The following NRG1 variants were observed in gnomAD, a reference collection of about 807,000 sequenced individuals.
NRG1 encodes pro-neuregulin-1, membrane-bound isoform.
NRG1 carries 18 observed loss-of-function variants against 63.8 expected under a neutral mutation model. That is an observed-to-expected ratio of 0.28 (90% CI 0.19 to 0.42). NRG1 has a LOEUF of 0.42. Among genes scored for constraint, NRG1 ranks in the 10% least tolerant of loss-of-function variants. The pLI is 1.00. For synonymous variants in NRG1, 302 were observed against 301.3 expected (o/e 1.00, Z -0.02); for missense variants, 762 against 814.7 (o/e 0.94, Z 0.79).
At chr8:32,664,552 G>C (rs1003062330) in intron 5 of NRG1, among the ~76,000 whole-genome samples, 14 of 151,996 alleles carry the variant, frequency 9.2e-5, no homozygotes, top group African/African-American at 2.7e-4. Flanking sequence ...TCAGTGCTTT[G>C]CATGTATTGT....
chr8:31,866,722 T>A (rs920609470), intron 1 of NRG1, among the ~76,000 whole-genome samples: 1 of 152,294 alleles, frequency 6.6e-6, no homozygotes, highest in Admixed American at 6.5e-5. Context: ...TGCTGTTATC[T>A]CTAGATAGGA....
intron 1 of NRG1, among the ~76,000 whole-genome samples, chr8:32,159,391 G>A (rs1212594774): frequency 2.0e-5 from 3 of 150,610 alleles, no homozygotes; most frequent in East Asian, 3.9e-4. Context: ...AAAATTAGCC[G>A]GGCGCGGTGG....
chr8:32,122,807 A>G (rs1055242103), intron 1 of NRG1, among the ~76,000 whole-genome samples: 4 of 149,456 alleles, frequency 2.7e-5, no homozygotes, highest in African/African-American at 9.8e-5. Context: ...CCAGAGTGTG[A>G]TGTTCCCCTT....
chr8:31,802,145 A>C (rs1821850351), intron 1 of NRG1, among the ~76,000 whole-genome samples: 1 of 152,182 alleles, frequency 6.6e-6, no homozygotes, highest in Non-Finnish European at 1.5e-5. Context: ...ATATTTTTCA[A>C]ATGTGTAGTA....
chr8:32,013,593 C>T (rs1373328375), intron 1 of NRG1, among the ~76,000 whole-genome samples: 6 of 152,120 alleles, frequency 3.9e-5, no homozygotes, highest in African/African-American at 1.4e-4. Context: ...AGACTGGCCA[C>T]CAGATTCCAG....
chr8:32,568,428 C>T (rs11787271), intron 1 of NRG1, among the ~76,000 whole-genome samples: 31,301 of 152,080 alleles, frequency 0.21, 3,923 homozygotes, highest in Admixed American at 0.33. Flanking sequence ...CAGGCTTATT[C>T]TTAAAAACTC....
chr8:31,818,953 C>T (rs1823728744), intron 1 of NRG1, among the ~76,000 whole-genome samples: 1 of 152,152 alleles, frequency 6.6e-6, no homozygotes, highest in South Asian at 2.1e-4. Flanking sequence ...ACTCGGGAGG[C>T]TGAGGCGAGA....
At chr8:31,921,127 G>A (rs1833877538) in intron 1 of NRG1, among the ~76,000 whole-genome samples, 1 of 151,982 alleles carries the variant, frequency 6.6e-6, no homozygotes, top group Admixed American at 6.6e-5. Flanking sequence ...TTCCTACTGA[G>A]GTACCCATTA....
intron 1 of NRG1, among the ~76,000 whole-genome samples, chr8:32,251,075 T>C (rs1394887849): frequency 6.6e-6 from 1 of 151,950 alleles, no homozygotes; most frequent in African/African-American, 2.4e-5. Flanking sequence ...ATTATTATTA[T>C]ACTTAAAGTT....
chr8:31,675,054 A>G (rs568776153), intron 1 of NRG1, among the ~76,000 whole-genome samples: 27 of 152,278 alleles, frequency 1.8e-4, no homozygotes, highest in African/African-American at 6.0e-4. Flanking sequence ...AAAAGAAATA[A>G]AAAAGTGGCT....
intron 1 of NRG1, among the ~76,000 whole-genome samples, chr8:32,195,761 G>A (rs1195852427): frequency 3.3e-5 from 5 of 152,150 alleles, no homozygotes; most frequent in Non-Finnish European, 5.9e-5. Flanking sequence ...TTATGACCTT[G>A]AAATCCTAGC....
At chr8:31,754,475 C>A (rs889963267) in intron 1 of NRG1, among the ~76,000 whole-genome samples, 30 of 152,058 alleles carry the variant, frequency 2.0e-4, no homozygotes, top group African/African-American at 6.0e-4. Flanking sequence ...CCTGAGGCCT[C>A]CCCAGAAGCT....
chr8:32,430,579 C>T (rs1348028394), intron 1 of NRG1, among the ~76,000 whole-genome samples: 1 of 152,148 alleles, frequency 6.6e-6, no homozygotes, highest in East Asian at 1.9e-4. Context: ...GTCATTTTTA[C>T]TAATATCTGA....
intron 5 of NRG1, chr8:32,722,050 T>TA (rs745530963): frequency 4.3e-5 from 66 of 1,543,414 alleles, no homozygotes; most frequent in Admixed American, 8.0e-5. Context: ...CAGGTAAGGT[T>TA]AAAAAAAATC....
At chr8:31,899,053 A>G (rs534424943) in intron 1 of NRG1, among the ~76,000 whole-genome samples, 11 of 152,078 alleles carry the variant, frequency 7.2e-5, no homozygotes, top group Non-Finnish European at 1.6e-4. Flanking sequence ...CTCTTATCCT[A>G]GCAGAAGATT....
At chr8:31,950,217 G>A (rs754445208) in intron 1 of NRG1, among the ~76,000 whole-genome samples, 10 of 152,204 alleles carry the variant, frequency 6.6e-5, no homozygotes, top group Non-Finnish European at 1.3e-4. Flanking sequence ...TAAAAGATAA[G>A]TGTGTCCAGT....
Position 31,930,106 on chromosome 8 carries a change from T to C in NRG1, c.37+290675T>C, listed in dbSNP as rs570579450. On this transcript the variant is annotated intron_variant, in intron 1 of 10. Transcript: ENST00000519301. The stretch of plus-strand genomic sequence containing the variant: ...AGTTCAAGTGGAGGTTCCTGGCCTG[T>C]TGGTGCCTGTGAACAGGATTCTTTT... Among the ~76,000 whole-genome samples the C allele has an allele frequency of 9.9e-5, 15 of 152,064 alleles. 1 individual carries two copies. The South Asian group carries it at 3.1e-3, about 32-fold the overall frequency.
chr8:32,083,725 A>AG (rs376628701), intron 1 of NRG1, among the ~76,000 whole-genome samples: 47 of 152,122 alleles, frequency 3.1e-4, no homozygotes, highest in African/African-American at 1.0e-3. Flanking sequence ...AAATAATGGG[A>AG]GGGGGAAATT....
At chr8:31,772,802 G>A (rs555711923) in intron 1 of NRG1, among the ~76,000 whole-genome samples, 16 of 152,326 alleles carry the variant, frequency 1.1e-4, no homozygotes, top group Non-Finnish European at 1.8e-4. Flanking sequence ...GGACTGAGAT[G>A]TGGGAGTCAC....
Sources: gnomAD v4.1 joint callset for allele counts (sites outside exome capture counted in the v4.1 genomes callset) on GRCh38, gnomAD v4.1.1 for gene constraint, MANE v1.5 for transcripts, NCBI Gene and HGNC (gene_info 2026-07-23, HGNC 2026-07-21) for gene names.